The following TENM2 variants were observed in gnomAD, a reference collection of about 807,000 sequenced individuals.
TENM2 encodes teneurin-2.
In TENM2, 52 loss-of-function variants were observed where a neutral mutation model predicts 245.2. The observed-to-expected ratio is 0.21, with a 90% CI of 0.17 to 0.27. TENM2 has a LOEUF of 0.27. Among genes scored for constraint, TENM2 ranks in the 10% least tolerant of loss-of-function variants. The pLI is 1.00. For synonymous variants in TENM2, 1,363 were observed against 1,438.9 expected (o/e 0.95, Z 1.19); for missense variants, 3,046 against 3,666.8 (o/e 0.83, Z 4.37).
At chr5:167,855,624 G>A (rs1770992143) in intron 2 of TENM2, among the ~76,000 whole-genome samples, 1 of 127,164 alleles carries the variant, frequency 7.9e-6, no homozygotes, top group South Asian at 2.5e-4. Context: ...CTAGACACTC[G>A]AAGAATATGT....
At chr5:167,777,339 T>C (rs1276876958) in intron 2 of TENM2, among the ~76,000 whole-genome samples, 1 of 152,248 alleles carries the variant, frequency 6.6e-6, no homozygotes, top group Non-Finnish European at 1.5e-5. Context: ...TTTCCTATAT[T>C]ATTTAAATTC....
At chr5:167,561,909 G>A (rs1347251778) in intron 2 of TENM2, among the ~76,000 whole-genome samples, 2 of 152,178 alleles carry the variant, frequency 1.3e-5, no homozygotes, top group Non-Finnish European at 2.9e-5. Flanking sequence ...GAGAGACAGA[G>A]AGACAGAGTC....
chr5:168,171,137 A>G (rs888275844), intron 13 of TENM2, among the ~76,000 whole-genome samples: 4 of 152,260 alleles, frequency 2.6e-5, no homozygotes, highest in Admixed American at 2.6e-4. Flanking sequence ...ATGCCTCAGA[A>G]GGACTTATTA....
intron 4 of TENM2, among the ~76,000 whole-genome samples, chr5:167,972,455 T>A (rs951767135): frequency 6.6e-6 from 1 of 152,214 alleles, no homozygotes; most frequent in Non-Finnish European, 1.5e-5. Context: ...ATTTAACCAG[T>A]CTCTTCTTGA....
At chr5:167,430,446 GTGCTCTCCTCCTGTCCCTTAATA>G (rs1403253643) in intron 2 of TENM2, among the ~76,000 whole-genome samples, 1 of 152,124 alleles carries the variant, frequency 6.6e-6, no homozygotes, top group African/African-American at 2.4e-5. Flanking sequence ...AGTTTATTTT[GTGCTCTCCTCCTGTCCCTTAATA>G]TCTGAAATTT....
the TENM2 span, among the ~76,000 whole-genome samples, chr5:167,117,982 C>T: frequency 6.6e-6 from 1 of 152,154 alleles, no homozygotes; most frequent in Non-Finnish European, 1.5e-5. Flanking sequence ...AAGGAAACAC[C>T]GCAGTCCTAA....
chr5:167,580,259 G>A (rs374310873), intron 2 of TENM2, among the ~76,000 whole-genome samples: 6 of 152,322 alleles, frequency 3.9e-5, no homozygotes, highest in African/African-American at 9.6e-5. Flanking sequence ...CCGAACTAGC[G>A]AATTATCATT....
the TENM2 span, among the ~76,000 whole-genome samples, chr5:167,091,667 A>C: frequency 6.6e-6 from 1 of 152,226 alleles, no homozygotes; most frequent in South Asian, 2.1e-4. Flanking sequence ...GTAAATGCTT[A>C]TGAATGTAAA....
intron 2 of TENM2, among the ~76,000 whole-genome samples, chr5:167,411,602 G>C (rs10475841): frequency 6.7e-6 from 1 of 148,292 alleles, no homozygotes; most frequent in Admixed American, 6.7e-5. Flanking sequence ...GTGTGTGTGT[G>C]TGTGTGTATG....
chr5:168,113,252 A>G (rs1794823740), intron 9 of TENM2, among the ~76,000 whole-genome samples: 1 of 152,108 alleles, frequency 6.6e-6, no homozygotes, highest in African/African-American at 2.4e-5. Context: ...TCAGGGAGGT[A>G]GAGTCTGCAG....
At chr5:168,155,281 T>C (rs771425793) in intron 12 of TENM2, among the ~76,000 whole-genome samples, 31 of 152,086 alleles carry the variant, frequency 2.0e-4, no homozygotes, top group Non-Finnish European at 4.3e-4. Context: ...AATGGCAGAC[T>C]CTATTATTAA....
At chr5:167,137,988 A>G in the TENM2 span, among the ~76,000 whole-genome samples, 751 of 152,336 alleles carry the variant, frequency 4.9e-3, 7 homozygotes, top group African/African-American at 0.017. Flanking sequence ...AAGTCTATCT[A>G]TATTAATGGC....
chr5:167,662,751 C>T (rs1249612818), intron 2 of TENM2, among the ~76,000 whole-genome samples: 1 of 152,042 alleles, frequency 6.6e-6, no homozygotes, highest in African/African-American at 2.4e-5. Context: ...CTTTCTGAAC[C>T]GTTCCTTTGG....
intron 19 of TENM2, among the ~76,000 whole-genome samples, chr5:168,206,615 G>A (rs1043206108): frequency 1.3e-5 from 2 of 152,144 alleles, no homozygotes; most frequent in African/African-American, 4.8e-5. Flanking sequence ...TAGCCCTCAC[G>A]CTGCCAAACT....
intron 2 of TENM2, among the ~76,000 whole-genome samples, chr5:167,874,081 A>G (rs1260993902): frequency 6.6e-6 from 1 of 152,098 alleles, no homozygotes. Context: ...TTGCTCAGGT[A>G]TCACCTTTCC....
intron 4 of TENM2, among the ~76,000 whole-genome samples, chr5:167,954,181 ACT>A (rs201468161): frequency 6.6e-6 from 1 of 151,830 alleles, no homozygotes; most frequent in African/African-American, 2.4e-5. Context: ...ACACACACTC[ACT>A]CACACACACA....
At chr5:167,424,320 C>G (rs1763687415) in intron 2 of TENM2, among the ~76,000 whole-genome samples, 1 of 152,092 alleles carries the variant, frequency 6.6e-6, no homozygotes, top group African/African-American at 2.4e-5. Flanking sequence ...CCCCCCACCC[C>G]TATTCTGCAC....
intron 2 of TENM2, among the ~76,000 whole-genome samples, chr5:167,540,953 T>C (rs1336731258): frequency 2.0e-5 from 3 of 152,200 alleles, no homozygotes; most frequent in African/African-American, 7.2e-5. Flanking sequence ...TAGGTTTCTT[T>C]ATGAATTCTC....
rs1581250152 is a variant in TENM2, at chr5:168,083,610, G to A, written c.1516-6964G>A. Among the ~76,000 whole-genome samples, 7 of 152,234 alleles carry A rather than the reference G, an allele frequency of 4.6e-5. 1 individual carries two copies. The highest frequency in any genetic ancestry group is 4.6e-4 in the Admixed American group (7 of 15,294). On this transcript the variant is annotated intron_variant, in intron 7 of 28. Coordinates refer to ENST00000518659, the Ensembl canonical transcript of TENM2. ...GACAAGTCTCCCACTCTTAAGTGTT[G>A]GAGAAAGTTCATATCCAAAAGGGGG...
Sources: allele counts gnomAD v4.1 joint callset (sites outside exome capture counted in the v4.1 genomes callset), GRCh38; gene constraint gnomAD v4.1.1; transcripts MANE v1.5; gene names NCBI Gene and HGNC (gene_info 2026-07-23, HGNC 2026-07-21).